Variants in WWP2 observed in about 807,000 individuals in gnomAD.
WWP2 encodes WW domain containing E3 ubiquitin protein ligase 2.
A neutral mutation model predicts 121.0 loss-of-function variants in WWP2; 57 were observed. The ratio of observed to expected loss-of-function variants is 0.47; its 90% CI spans 0.38 to 0.59. The LOEUF (loss-of-function observed/expected upper bound fraction) is 0.59. WWP2 is among the 20% of genes least tolerant of loss of function. The pLI is 0.00. For synonymous variants in WWP2, 449 were observed against 441.3 expected (o/e 1.02, Z -0.22); for missense variants, 962 against 1,158.9 (o/e 0.83, Z 2.47).
intron 8 of WWP2, among the ~76,000 whole-genome samples, chr16:69,893,569 GTT>G (rs535072185): frequency 0.034 from 5,183 of 151,126 alleles, 252 homozygotes; most frequent in African/African-American, 0.11. Flanking sequence ...TTGTTTGTTT[GTT>G]TTTGTTTTTG....
intron 7 of WWP2, among the ~76,000 whole-genome samples, chr16:69,879,931 A>T (rs901513733): frequency 6.6e-6 from 1 of 152,152 alleles, no homozygotes; most frequent in African/African-American, 2.4e-5. Context: ...GCATTTAAAA[A>T]ATGTGTATAA....
chr16:69,888,484 C>T (rs1305099104), intron 8 of WWP2, among the ~76,000 whole-genome samples: 2 of 152,174 alleles, frequency 1.3e-5, no homozygotes, highest in Non-Finnish European at 2.9e-5. Context: ...TTGAAATGAA[C>T]AGCTTGACTC....
At chr16:69,862,101 T>C (rs2057432297) in intron 6 of WWP2, among the ~76,000 whole-genome samples, 1 of 152,236 alleles carries the variant, frequency 6.6e-6, no homozygotes, top group Admixed American at 6.5e-5. Context: ...CTTTCGCTCT[T>C]GTTGCCCCGG....
intron 4 of WWP2, among the ~76,000 whole-genome samples, chr16:69,803,705 C>G (rs1385944894): frequency 6.6e-6 from 1 of 152,148 alleles, no homozygotes; most frequent in Non-Finnish European, 1.5e-5. Flanking sequence ...GCCAGGAGTT[C>G]GAGACCAGCC....
intron 4 of WWP2, among the ~76,000 whole-genome samples, chr16:69,810,257 C>T (rs1277756907): frequency 6.6e-6 from 1 of 152,180 alleles, no homozygotes; most frequent in African/African-American, 2.4e-5. Context: ...CACTCACGTC[C>T]CGCAGTGGCG....
chr16:69,919,483 C>T (rs116329857), intron 10 of WWP2, among the ~76,000 whole-genome samples: 2,421 of 152,138 alleles, frequency 0.016, 81 homozygotes, highest in African/African-American at 0.055. Flanking sequence ...TAAATTTTCT[C>T]GTCCAGAATT....
At chr16:69,868,663 A>G (rs74029723) in intron 6 of WWP2, among the ~76,000 whole-genome samples, 1,382 of 24,730 alleles carry the variant, frequency 0.056, 18 homozygotes, top group African/African-American at 0.36. Context: ...ACACATGTGC[A>G]CACACACACA....
chr16:69,792,823 C>G (rs1402164289), intron 2 of WWP2, among the ~76,000 whole-genome samples: 1 of 152,034 alleles, frequency 6.6e-6, no homozygotes, highest in African/African-American at 2.4e-5. Context: ...TCTCGAGTAA[C>G]TGGAACTACA....
rs1184404072 is a variant in WWP2, at chr16:69,911,277, G to A, written c.1004+2427G>A. Among the ~76,000 whole-genome samples, 32 of 152,170 alleles carry A rather than the reference G, an allele frequency of 2.1e-4. 1 individual carries two copies. Among genetic ancestry groups the A allele is most frequent in the Admixed American group, 2.1e-3 (32 of 15,274 alleles). On this transcript the variant is annotated intron_variant, in intron 9 of 23. Transcript: ENST00000359154. ...TAAGTATTGGACCTAGTAGCTCAGG[G>A]TGAATGCATCCATTTGCTCATCAGT...
chr16:69,775,522 A>G (rs1232463396), intron 1 of WWP2, among the ~76,000 whole-genome samples: 3 of 152,170 alleles, frequency 2.0e-5, no homozygotes, highest in African/African-American at 7.2e-5. Context: ...TATAGTTGCT[A>G]TATCTCTCCT....
chr16:69,767,054 C>A (rs908390181), intron 1 of WWP2, among the ~76,000 whole-genome samples: 1 of 145,048 alleles, frequency 6.9e-6, no homozygotes, highest in African/African-American at 2.6e-5. Context: ...TTTTTTTAAT[C>A]TTTTTGAAAA....
chr16:69,899,975 A>G (rs74029746), intron 8 of WWP2, among the ~76,000 whole-genome samples: 2,616 of 152,246 alleles, frequency 0.017, 79 homozygotes, highest in African/African-American at 0.059. Context: ...TTTATCTACA[A>G]TGTTATTTTT....
rs187267168 is a variant in WWP2 at position 69,913,680 on chromosome 16, G to C, written c.1005-4029G>C. On this transcript the variant is annotated intron_variant, in intron 9 of 23. Coordinates refer to ENST00000359154, the MANE Select transcript of WWP2 (RefSeq NM_001270454.2). ...GAAAATAATGGCATCTGTGCAACAA[G>C]AACAGGAGGCCATGAAATGGACCAG... Among the ~76,000 whole-genome samples the C allele has an allele frequency of 4.2e-4, 64 of 152,138 alleles. 1 individual carries two copies. The East Asian group carries it at 0.012, about 28-fold the overall frequency.
chr16:69,821,228 A>G (rs2056586920), intron 4 of WWP2, among the ~76,000 whole-genome samples: 2 of 152,148 alleles, frequency 1.3e-5, no homozygotes, highest in African/African-American at 4.8e-5. Flanking sequence ...GGAATTCCCA[A>G]AGATGCCAAA....
At chr16:69,884,859 C>G (rs2057895291) in intron 7 of WWP2, among the ~76,000 whole-genome samples, 1 of 152,130 alleles carries the variant, frequency 6.6e-6, no homozygotes, top group Non-Finnish European at 1.5e-5. Flanking sequence ...GGGGAGGTTT[C>G]TCTTTACAGA....
intron 15 of WWP2, 100 bp from the exon 16 acceptor site, chr16:69,931,702 G>C (rs568898134): frequency 2.3e-4 from 362 of 1,567,236 alleles, no homozygotes; most frequent in Non-Finnish European, 3.0e-4. Context: ...CTTGGTGACT[G>C]TGTCTGCTGG....
At chr16:69,810,447 A>G (rs2056369214) in intron 4 of WWP2, among the ~76,000 whole-genome samples, 1 of 144,810 alleles carries the variant, frequency 6.9e-6, no homozygotes, top group Non-Finnish European at 1.5e-5. Flanking sequence ...TTTTTTTGAG[A>G]CGGAGTTTCG....
intron 4 of WWP2, among the ~76,000 whole-genome samples, chr16:69,809,881 G>A (rs545506107): frequency 3.9e-4 from 59 of 152,266 alleles, no homozygotes; most frequent in Middle Eastern, 3.4e-3. Context: ...AGCTTTGAGG[G>A]TGTGGAGTGG....
intron 1 of WWP2, among the ~76,000 whole-genome samples, chr16:69,765,855 G>A (rs533324035): frequency 6.6e-6 from 1 of 151,978 alleles, no homozygotes; most frequent in African/African-American, 2.4e-5. Context: ...TGGGGGCGGG[G>A]GTTCTCACTT....
Sources: gnomAD v4.1 joint callset for allele counts (sites outside exome capture counted in the v4.1 genomes callset) on GRCh38, gnomAD v4.1.1 for gene constraint, MANE v1.5 for transcripts, NCBI Gene and HGNC (gene_info 2026-07-23, HGNC 2026-07-21) for gene names.